RAD51B: variants seen among roughly 807,000 people sequenced by gnomAD.
RAD51B encodes the protein RAD51 paralog B.
Under a neutral mutation model 42.2 loss-of-function variants are expected in RAD51B, and 38 were observed. That is an observed-to-expected ratio of 0.90 (90% CI 0.70 to 1.18). RAD51B has a LOEUF of 1.18. Among genes scored for constraint, RAD51B ranks in the 50% most tolerant of loss-of-function variants. The probability of loss-of-function intolerance (pLI) is 0.00; values close to 1 mark genes in which losing one functional copy is unlikely to be tolerated. For synonymous variants in RAD51B, 154 were observed against 145.2 expected, an observed-to-expected ratio of 1.06 and a Z score of -0.43; for missense variants, 373 against 400.7, an observed-to-expected ratio of 0.93 and a Z score of 0.59.
chr14:68,320,854 T>G (rs1363375093), intron 8 of RAD51B, among the ~76,000 whole-genome samples: 1 of 152,226 alleles, frequency 6.6e-6, no homozygotes, highest in African/African-American at 2.4e-5. Context: ...TAGCATTTCT[T>G]ACACTGTGGG....
chr14:67,928,215 C>G (rs1480929739), intron 7 of RAD51B, among the ~76,000 whole-genome samples: 1 of 152,044 alleles, frequency 6.6e-6, no homozygotes, highest in Admixed American at 6.6e-5. Context: ...CTGATTCAAT[C>G]TTGTTGGATT....
downstream of RAD51B, among the ~76,000 whole-genome samples, chr14:68,616,353 A>G (rs1205407276): frequency 6.6e-6 from 1 of 152,162 alleles, no homozygotes; most frequent in Non-Finnish European, 1.5e-5. Flanking sequence ...TCTTCATTAT[A>G]TCGCTGGATA....
chr14:67,846,085 G>A (rs2041601662), intron 4 of RAD51B, among the ~76,000 whole-genome samples: 1 of 152,150 alleles, frequency 6.6e-6, no homozygotes, highest in Non-Finnish European at 1.5e-5. Flanking sequence ...TTGTTGGGGT[G>A]GTGGCAGTGG....
chr14:68,411,913 GA>G (rs750826277), intron 9 of RAD51B, among the ~76,000 whole-genome samples: 26 of 152,166 alleles, frequency 1.7e-4, no homozygotes, highest in Non-Finnish European at 3.1e-4. Context: ...TGTGTACTTT[GA>G]AAATCTTAGG....
chr14:67,835,966 A>G (rs2041228718), intron 4 of RAD51B, among the ~76,000 whole-genome samples: 1 of 152,224 alleles, frequency 6.6e-6, no homozygotes, highest in Admixed American at 6.5e-5. Flanking sequence ...TTTTATTAAC[A>G]TATGGAAAAA....
intron 7 of RAD51B, among the ~76,000 whole-genome samples, chr14:67,986,289 T>C (rs141783251): frequency 5.8e-4 from 88 of 152,322 alleles, no homozygotes; most frequent in African/African-American, 2.0e-3. Flanking sequence ...ATTTAAAACA[T>C]ACAGGGAAGA....
At chr14:68,515,651 T>A (rs1886092052) in intron 10 of RAD51B, among the ~76,000 whole-genome samples, 1 of 151,594 alleles carries the variant, frequency 6.6e-6, no homozygotes, top group Non-Finnish European at 1.5e-5. Context: ...CTCGCTATGT[T>A]GCCCAGGCTT....
At chr14:68,403,744 T>A (rs764198299) in intron 8 of RAD51B, among the ~76,000 whole-genome samples, 2 of 152,230 alleles carry the variant, frequency 1.3e-5, no homozygotes, top group Non-Finnish European at 2.9e-5. Flanking sequence ...AATCATGTGT[T>A]TTAACCACTT....
At chr14:68,509,410 T>C (rs1434918024) in intron 10 of RAD51B, among the ~76,000 whole-genome samples, 3 of 152,134 alleles carry the variant, frequency 2.0e-5, no homozygotes, top group Admixed American at 6.5e-5. Context: ...CTTCAGTGAG[T>C]TGCTTTATCT....
At chr14:68,674,013 GTACACA>G (rs1893247390) in intron 11 of RAD51B, among the ~76,000 whole-genome samples, 1 of 151,206 alleles carries the variant, frequency 6.6e-6, no homozygotes, top group Non-Finnish European at 1.5e-5. Context: ...ATCCACACAT[GTACACA>G]TACACATACT....
intron 8 of RAD51B, among the ~76,000 whole-genome samples, chr14:68,313,546 A>T (rs1471557238): frequency 6.6e-6 from 1 of 152,142 alleles, no homozygotes; most frequent in Non-Finnish European, 1.5e-5. Flanking sequence ...CAAGGACTCC[A>T]CTTCCAGCCC....
chr14:68,221,249 G>C (rs764112085), intron 7 of RAD51B, among the ~76,000 whole-genome samples: 12 of 152,010 alleles, frequency 7.9e-5, no homozygotes, highest in Non-Finnish European at 1.6e-4. Context: ...GCAATACTAA[G>C]CATAAAGAAC....
intron 10 of RAD51B, chr14:68,497,404 C>T (rs1884606577): frequency 7.1e-6 from 8 of 1,132,574 alleles, no homozygotes; most frequent in Non-Finnish European, 8.7e-6. Flanking sequence ...TGATTTGATA[C>T]CATGGCACTG....
At chr14:67,915,297 G>A (rs1214431226) in intron 7 of RAD51B, among the ~76,000 whole-genome samples, 1 of 152,210 alleles carries the variant, frequency 6.6e-6, no homozygotes, top group Non-Finnish European at 1.5e-5. Flanking sequence ...GGGATTAGGT[G>A]TCAGTCAGAA....
chr14:68,414,513 G>A (rs979795647), intron 9 of RAD51B, among the ~76,000 whole-genome samples: 1 of 152,012 alleles, frequency 6.6e-6, no homozygotes, highest in Admixed American at 6.5e-5. Context: ...GGTCTACCCC[G>A]TGCATGGTAT....
chr14:68,022,394 A>T (rs909965317), intron 7 of RAD51B, among the ~76,000 whole-genome samples: 1 of 152,200 alleles, frequency 6.6e-6, no homozygotes, highest in Non-Finnish European at 1.5e-5. Flanking sequence ...TGATGAACAT[A>T]TGAGTGCCTG....
intron 7 of RAD51B, among the ~76,000 whole-genome samples, chr14:68,012,651 A>G (rs1318263559): frequency 1.3e-5 from 2 of 152,124 alleles, no homozygotes; most frequent in Non-Finnish European, 2.9e-5. Context: ...AGGATATTTT[A>G]TTTCTTATTT....
rs77225254 is a variant in RAD51B, at chr14:68,632,062, C to G, written c.1037-18719C>G. Among the ~76,000 whole-genome samples, 790 of 152,310 alleles carry G rather than the reference C, an allele frequency of 5.2e-3. 3 individuals carry two copies. The highest frequency in any genetic ancestry group is 0.018 in the African/African-American group (730 of 41,566). On this transcript the variant is annotated intron_variant, in intron 10 of 11. Coordinates refer to the RAD51B transcript ENST00000488612. ...TGTTGACCTTTGCCTTTGCATCATG[C>G]GCCAGGCATGACCTAGCACAGCCAT... is the stretch of plus-strand genomic sequence containing the variant.
At chr14:68,153,068 T>A (rs969048816) in intron 7 of RAD51B, among the ~76,000 whole-genome samples, 2 of 152,216 alleles carry the variant, frequency 1.3e-5, no homozygotes, top group Non-Finnish European at 2.9e-5. Flanking sequence ...AACATACATG[T>A]GCTATGTCTT....
Sources: allele counts gnomAD v4.1 joint callset (sites outside exome capture counted in the v4.1 genomes callset), GRCh38; gene constraint gnomAD v4.1.1; transcripts MANE v1.5; gene names NCBI Gene and HGNC (gene_info 2026-07-23, HGNC 2026-07-21).